KL: variants seen among roughly 807,000 people sequenced by gnomAD.
KL encodes alpha-klotho.
A neutral mutation model predicts 84.2 loss-of-function variants in KL; 62 were observed. The ratio of observed to expected loss-of-function variants is 0.74; its 90% CI spans 0.60 to 0.91. The LOEUF is 0.91. Ranked by LOEUF, KL falls within the 40% of genes least tolerant of loss-of-function variation. KL has a pLI of 0.00. For synonymous variants in KL, 528 were observed against 528.0 expected, an observed-to-expected ratio of 1.00 and a Z score of 0.00; for missense variants, 1,261 against 1,305.7, an observed-to-expected ratio of 0.97 and a Z score of 0.53.
intron 1 of KL, among the ~76,000 whole-genome samples, chr13:33,025,698 T>C (rs994682409): frequency 3.9e-5 from 6 of 152,166 alleles, no homozygotes; most frequent in Admixed American, 3.3e-4. Context: ...GCTTCAGCGA[T>C]TACATTTCTT....
At chr13:33,026,191 G>A (rs1860837522) in intron 1 of KL, among the ~76,000 whole-genome samples, 1 of 152,144 alleles carries the variant, frequency 6.6e-6, no homozygotes, top group African/African-American at 2.4e-5. Context: ...CATTCTCCCT[G>A]CCAGTGCCTT....
intron 1 of KL, among the ~76,000 whole-genome samples, chr13:33,035,973 A>G (rs1432539553): frequency 2.6e-5 from 4 of 152,206 alleles, no homozygotes; most frequent in Non-Finnish European, 4.4e-5. Flanking sequence ...AAATACAAAT[A>G]AATAAGCCCT....
Position 33,054,215 on chromosome 13 carries a change from C to T in KL, c.1268C>T (p.Thr423Ile). 1 of 1,613,618 alleles carries T rather than the reference C, an allele frequency of 6.2e-7. No individual in the cohort carries two copies. Among genetic ancestry groups the T allele is most frequent in the Non-Finnish European group, 8.5e-7 (1 of 1,179,926 alleles). ...AATGGCTGGTTTGTCTCAGGGACCACCAAGAGAGATGATGCCAAATATATG... is the reference window on the plus strand; with the variant it reads ...AATGGCTGGTTTGTCTCAGGGACCATCAAGAGAGATGATGCCAAATATATG... ...VENGWFVSGT[T>I]KRDDAKYMYY... The change falls in exon 2 of 5, where the codon ACC becomes ATC. Residue 423 changes from threonine (T) to isoleucine (I), a missense_variant. Physicochemically the swap from Thr to Ile is moderately conservative, Grantham distance 89 (BLOSUM62 -1). Transcript: ENST00000380099.
At position 33,051,568 on chromosome 13, in the gene KL, A is replaced by G. The variant is rs118121320; in HGVS notation, c.820-2199A>G. Among the ~76,000 whole-genome samples, 1,354 of 152,266 alleles carry G rather than the reference A, an allele frequency of 8.9e-3. 9 individuals are homozygous for G. Among genetic ancestry groups the G allele is most frequent in the Non-Finnish European group, 0.016 (1,073 of 68,002 alleles). ...AACAAAAAAGAGTGATGGAGCAGGA[A>G]CTTTATCTGCCATCAGAGACCATAT... On this transcript the variant is annotated intron_variant, in intron 1 of 4. Coordinates refer to ENST00000380099, the MANE Select transcript of KL (RefSeq NM_004795.4).
At chr13:33,060,590 A>G in intron 3 of KL, 89 bp from the exon 4 acceptor site, 1 of 1,464,746 alleles carries the variant, frequency 6.8e-7, no homozygotes, top group East Asian at 2.3e-5. Flanking sequence ...TTTTGCTCAT[A>G]TTCCTGGCTA....
chr13:33,041,238 G>A (rs1248067289), intron 1 of KL, among the ~76,000 whole-genome samples: 2 of 152,094 alleles, frequency 1.3e-5, no homozygotes, highest in African/African-American at 4.8e-5. Flanking sequence ...AATTGATTAA[G>A]AGTCACAAGG....
chr13:33,059,763 G>A (rs1211954870), intron 3 of KL, among the ~76,000 whole-genome samples: 5 of 151,980 alleles, frequency 3.3e-5, no homozygotes, highest in African/African-American at 4.8e-5. Flanking sequence ...GAGCCACTGC[G>A]CCTGGCCTCT....
At chr13:33,043,015 T>G (rs138635750) in intron 1 of KL, among the ~76,000 whole-genome samples, 1 of 152,308 alleles carries the variant, frequency 6.6e-6, no homozygotes, top group Non-Finnish European at 1.5e-5. Flanking sequence ...GTAAGTTTTA[T>G]CTTAATATTG....
intron 1 of KL, among the ~76,000 whole-genome samples, chr13:33,022,078 T>C (rs1870596339): frequency 6.6e-6 from 1 of 152,176 alleles, no homozygotes; most frequent in South Asian, 2.1e-4. Flanking sequence ...AATTTTAAAA[T>C]AGGAAAAGAA....
intron 1 of KL, among the ~76,000 whole-genome samples, chr13:33,035,975 A>G (rs999549844): frequency 1.3e-5 from 2 of 152,246 alleles, no homozygotes; most frequent in South Asian, 2.1e-4. Context: ...ATACAAATAA[A>G]TAAGCCCTTT....
At chr13:33,018,863 A>G (rs975719475) in intron 1 of KL, among the ~76,000 whole-genome samples, 18 of 152,202 alleles carry the variant, frequency 1.2e-4, no homozygotes, top group Middle Eastern at 3.2e-3. Context: ...AAAGTAGTCA[A>G]TTGTTATTAT....
chr13:33,053,583 T>TAGCA (rs1222019351), intron 1 of KL, among the ~76,000 whole-genome samples, 184 bp from the exon 2 acceptor site: 1 of 152,226 alleles, frequency 6.6e-6, no homozygotes, highest in Non-Finnish European at 1.5e-5. Context: ...CTAGTCCCCG[T>TAGCA]AGCACCTCAC....
chr13:33,062,869 A>G (rs1393854316), intron 4 of KL, among the ~76,000 whole-genome samples: 1 of 151,814 alleles, frequency 6.6e-6, no homozygotes, highest in Non-Finnish European at 1.5e-5. Flanking sequence ...ATAACTTCCA[A>G]TCCTGCCTCT....
At chr13:33,040,503 T>A (rs1871299943) in intron 1 of KL, among the ~76,000 whole-genome samples, 2 of 152,326 alleles carry the variant, frequency 1.3e-5, no homozygotes, top group South Asian at 2.1e-4. Context: ...AGGGCCCTTT[T>A]CTTAGATAGG....
At position 33,016,804 on chromosome 13, in the gene KL, G is replaced by A. The variant is rs1481980429; in HGVS notation, c.364G>A (p.Gly122Arg). ...CCCGTCGCCGCTGCAGCCCGCCACC[G>A]GGGACGTAGCCAGCGACAGCTACAA... ...GAPSPLQPAT[G>R]DVASDSYNNV... The change falls in exon 1 of 5, where the codon GGG becomes AGG. Residue 122 changes from glycine (G) to arginine (R), a missense_variant. Coordinates refer to ENST00000380099, the MANE Select transcript of KL (RefSeq NM_004795.4). The A allele has an allele frequency of 3.1e-6, 5 of 1,612,362 alleles. No individual in the cohort carries two copies. Among genetic ancestry groups the A allele is most frequent in the Admixed American group, 1.7e-5 (1 of 59,962 alleles).
At position 33,039,086 on chromosome 13, in the gene KL, C is replaced by T. The variant is rs192268890; in HGVS notation, c.820-14681C>T. Among the ~76,000 whole-genome samples, 222 of 152,254 alleles carry T rather than the reference C, an allele frequency of 1.5e-3. 3 individuals are homozygous for T. Among genetic ancestry groups the T allele is most frequent in the African/African-American group, 4.2e-3 (176 of 41,548 alleles). ...TATGTGTATTTATTTTACATCTGTA[C>T]ATATGATTCCAAAATTAGGTAATAC... On this transcript the variant is annotated intron_variant, in intron 1 of 4. Coordinates refer to ENST00000380099, the MANE Select transcript of KL (RefSeq NM_004795.4).
At chr13:33,026,537 G>A (rs1407704427) in intron 1 of KL, among the ~76,000 whole-genome samples, 1 of 152,134 alleles carries the variant, frequency 6.6e-6, no homozygotes, top group African/African-American at 2.4e-5. Flanking sequence ...TGGAAAATTG[G>A]CTAAGTCGGG....
At chr13:33,045,775 G>A (rs1270812895) in intron 1 of KL, among the ~76,000 whole-genome samples, 1 of 152,114 alleles carries the variant, frequency 6.6e-6, no homozygotes, top group East Asian at 1.9e-4. Flanking sequence ...CACCACGCCC[G>A]GCCCATAAAT....
chr13:33,062,397 G>C (rs1479313034), intron 4 of KL, among the ~76,000 whole-genome samples: 28 of 146,758 alleles, frequency 1.9e-4, no homozygotes, highest in African/African-American at 6.5e-4. Flanking sequence ...AAAAGACCAA[G>C]CATGGTGGCT....
Sources: allele counts gnomAD v4.1 joint callset (sites outside exome capture counted in the v4.1 genomes callset), GRCh38; gene constraint gnomAD v4.1.1; transcripts MANE v1.5; gene names NCBI Gene and HGNC (gene_info 2026-07-23, HGNC 2026-07-21).